The following TET3 variants were observed in gnomAD, a reference collection of about 807,000 sequenced individuals.
TET3 encodes tet methylcytosine dioxygenase 3.
A neutral mutation model predicts 141.4 loss-of-function variants in TET3; 19 were observed. The ratio of observed to expected loss-of-function variants is 0.13; its 90% confidence interval spans 0.09 to 0.20. The LOEUF (loss-of-function observed/expected upper bound fraction) is 0.20, where lower values mean the gene tolerates loss of function less well. TET3 is among the 10% of genes least tolerant of loss of function. The pLI is 1.00. For missense variants in TET3, 1,874 were observed against 2,356.9 expected, an observed-to-expected ratio of 0.80 and a Z score of 4.24; for synonymous variants, 1,043 against 980.9, an observed-to-expected ratio of 1.06 and a Z score of -1.18.
Position 74,047,229 on chromosome 2 carries a change from G to A in TET3, c.1312G>A (p.Gly438Ser), listed in dbSNP as rs755876838. 6.2e-7 allele frequency: 1 copy of A among 1,613,950 alleles called. No homozygotes were observed. ...TPRTEFPEAW[G>S]TDTPPATPRS... ...TAGAACTGAGTTCCCTGAAGCCTGG[G>A]GCACTGACACCCCTCCAGCAACGCC... Residue 438 changes from glycine to serine, a missense_variant, in exon 4 of 12, where the codon GGC becomes AGC. Physicochemically the swap from Gly to Ser is moderately conservative, Grantham distance 56. Around this residue, in one of 10 missense-constraint regions of TET3, gnomAD observed 484 missense variants for 462.2 expected, o/e 1.05. Coordinates refer to ENST00000409262, the MANE Select transcript of TET3 (RefSeq NM_001287491.2).
rs1232900754 is a variant in TET3 at position 74,048,423 on chromosome 2, TG to T, written c.2494+15del. On this transcript the variant is annotated intron_variant, in intron 4 of 11. Transcript: ENST00000409262. The stretch of plus-strand genomic sequence containing the variant: ...CTGCGATTGCGTCGGTAAGTCCGCC[TG>T]GGTATCAGGGAAGGGCAGAGAAAGG... 6.3e-7 allele frequency: 1 copy of T among 1,595,518 alleles called. No individual in the cohort carries two copies. The highest frequency in any genetic ancestry group is 1.7e-5 in the Admixed American group (1 of 57,840).
intron 8 of TET3, 123 bp downstream of exon 8, chr2:74,090,170 G>GT (rs1477239844): frequency 6.9e-7 from 1 of 1,447,600 alleles, no homozygotes; most frequent in Admixed American, 2.1e-5. Flanking sequence ...ACTTGTTTTC[G>GT]TTTTTTTAAA....
At chr2:74,003,424 GTTTTT>G in intron 3 of TET3, among the ~76,000 whole-genome samples, 1 of 130,164 alleles carries the variant, frequency 7.7e-6, no homozygotes, top group Middle Eastern at 3.9e-3. Flanking sequence ...TTGTTGAACT[GTTTTT>G]TTTTTTTTTT....
the TET3 span, among the ~76,000 whole-genome samples, chr2:74,133,391 G>A: frequency 2.6e-5 from 4 of 152,232 alleles, no homozygotes; most frequent in Non-Finnish European, 5.9e-5. Flanking sequence ...TTGGGGAGTG[G>A]CTCAGCTGAG....
Position 74,101,229 on chromosome 2 carries a change from G to T in TET3, c.4441G>T (p.Ala1481Ser), listed in dbSNP as rs749378388. The T allele has an allele frequency of 1.2e-6, 2 of 1,612,806 alleles. No individual in the cohort carries two copies. Among genetic ancestry groups the T allele is most frequent in the African/African-American group, 1.3e-5 (1 of 75,020 alleles). ...CAGTTCCTTTGGGGCCAGCTGCCTG[G>T]CCCCTTCCCACTTCACAGATGGCCA... The part of the protein sequence containing the change: ...KLSSFGASCL[A>S]PSHFTDGQWG... The change falls in exon 12 of 12, where the codon GCC becomes TCC. Residue 1481 changes from alanine (A) to serine (S), a missense_variant. This residue lies in a region of TET3 where 602 missense variants were observed against 590.2 expected (regional missense o/e 1.02). Transcript: ENST00000409262. The surrounding 1 kb of genome is among the most constrained non-coding windows in gnomAD (Gnocchi z 8.5).
In TET3 at chr2:74,102,354, C is replaced by T; in HGVS notation, c.*178C>T. On this transcript the variant is annotated 3_prime_UTR_variant, in exon 12 of 12. Coordinates refer to ENST00000409262, the MANE Select transcript of TET3 (RefSeq NM_001287491.2). ...GGTCCAAACCTCAGAACTGACCCGC[C>T]CCTCCCTTACCCCCACTTCCCCAGC... is the stretch of plus-strand genomic sequence containing the variant. 1 of 956,428 alleles carries T rather than the reference C, an allele frequency of 1.0e-6. No individual in the cohort carries two copies. Among genetic ancestry groups the T allele is most frequent in the Non-Finnish European group, 1.4e-6 (1 of 739,104 alleles). 59.2% of individuals were successfully genotyped at this position (956,428 alleles called of 1,614,324 possible). A position where few individuals can be genotyped will look rare whatever the true frequency, so the allele number is the denominator to read the frequency against.
chr2:74,055,880 A>G (rs1446421171), intron 4 of TET3, among the ~76,000 whole-genome samples: 1 of 152,102 alleles, frequency 6.6e-6, no homozygotes, highest in African/African-American at 2.4e-5. Context: ...TGTGTCCTAC[A>G]CCACCTGAGA....
intron 4 of TET3, among the ~76,000 whole-genome samples, chr2:74,066,755 A>T (rs1405085229): frequency 6.6e-6 from 1 of 152,148 alleles, no homozygotes; most frequent in East Asian, 1.9e-4. Flanking sequence ...AGATCTTCGT[A>T]TCTTGTTTTC....
intron 2 of TET3, among the ~76,000 whole-genome samples, chr2:73,996,579 G>T (rs1163928044): frequency 6.6e-6 from 1 of 152,116 alleles, no homozygotes; most frequent in African/African-American, 2.4e-5. Flanking sequence ...CATGATCTTG[G>T]CTCACTGCTA....
intron 3 of TET3, among the ~76,000 whole-genome samples, chr2:74,009,062 C>G (rs1685294136): frequency 6.6e-6 from 1 of 152,174 alleles, no homozygotes; most frequent in African/African-American, 2.4e-5. Context: ...CCTCCTTTGC[C>G]TCCTCTGCAG....
At chr2:74,008,186 T>C (rs1283414300) in intron 3 of TET3, among the ~76,000 whole-genome samples, 1 of 152,228 alleles carries the variant, frequency 6.6e-6, no homozygotes, top group African/African-American at 2.4e-5. Context: ...ACCCTCCATC[T>C]TGGGGACAAA....
Position 74,021,973 on chromosome 2 carries a change from G to T in TET3, c.360+18807G>T, listed in dbSNP as rs1270472353. 2.0e-5 allele frequency among the ~76,000 whole-genome samples: 3 copies of T among 151,300 alleles called. No homozygotes were observed. In the East Asian group the frequency reaches 5.8e-4, roughly 29 times the overall value. Reference sequence around the variant, plus strand: ...TTTTTTTGCCATTGTCTATTACAAAGAATAAAAATTCACTGTAGAAAAATC... The same window carrying T: ...TTTTTTTGCCATTGTCTATTACAAATAATAAAAATTCACTGTAGAAAAATC... On this transcript the variant is annotated intron_variant, in intron 3 of 11. Coordinates refer to ENST00000409262, the MANE Select transcript of TET3 (RefSeq NM_001287491.2).
In TET3 at chr2:74,046,705, C is replaced by T. The variant is rs989068772; in HGVS notation, c.788C>T (p.Ala263Val). Residue 263 changes from alanine (A) to valine (V), a missense_variant, in exon 4 of 12, where the codon GCG becomes GTG. Ala to Val is a moderately conservative substitution (Grantham distance 64). Coordinates refer to ENST00000409262, the MANE Select transcript of TET3 (RefSeq NM_001287491.2). The surrounding 1 kb of genome is among the most constrained non-coding windows in gnomAD (Gnocchi z 4.3). Reference protein sequence around the residue: ...LDTLQTALALARHGMKPPNCN... With the variant: ...LDTLQTALALVRHGMKPPNCN... Reference sequence around the variant, plus strand: ...ACACTGCAGACGGCCCTGGCCCTCGCGCGGCATGGTATGAAACCACCCAAC... The same window carrying T: ...ACACTGCAGACGGCCCTGGCCCTCGTGCGGCATGGTATGAAACCACCCAAC... 26 of 1,613,990 alleles carry T rather than the reference C, an allele frequency of 1.6e-5. No homozygotes were observed. The highest frequency in any genetic ancestry group is 2.2e-5 in the Non-Finnish European group (26 of 1,179,896).
At chr2:74,044,206 A>G (rs1209847394) in intron 3 of TET3, among the ~76,000 whole-genome samples, 2 of 152,122 alleles carry the variant, frequency 1.3e-5, no homozygotes, top group Non-Finnish European at 2.9e-5. Flanking sequence ...TGTCTGTAAA[A>G]TAAATAAATA....
chr2:74,076,441 G>GTTTTTTTTTTTTTTTTTTT (rs70965785), intron 5 of TET3, among the ~76,000 whole-genome samples: 2 of 56,554 alleles, frequency 3.5e-5, no homozygotes, highest in Non-Finnish European at 6.5e-5. Flanking sequence ...ATTCCTCTGG[G>GTTTTTTTTTTTTTTTTTTT]TTTTTTTTTT....
intron 2 of TET3, among the ~76,000 whole-genome samples, chr2:73,992,057 G>A (rs978191797): frequency 1.3e-5 from 2 of 152,160 alleles, no homozygotes; most frequent in African/African-American, 4.8e-5. Flanking sequence ...TGGCCAGAAT[G>A]TGCTAAGGCT....
At chr2:74,126,628 C>T in the TET3 span, among the ~76,000 whole-genome samples, 3 of 151,644 alleles carry the variant, frequency 2.0e-5, no homozygotes, top group Non-Finnish European at 2.9e-5. Context: ...CAGTGTCCCA[C>T]GTAGCTGGGA....
intron 3 of TET3, among the ~76,000 whole-genome samples, chr2:74,016,777 G>A (rs2105220527): frequency 6.8e-6 from 1 of 146,768 alleles, no homozygotes; most frequent in East Asian, 1.9e-4. Flanking sequence ...AAAATGTATA[G>A]GTTCTCCTGT....
intron 5 of TET3, among the ~76,000 whole-genome samples, chr2:74,079,400 G>A (rs1689685935): frequency 1.3e-5 from 2 of 152,144 alleles, no homozygotes; most frequent in Non-Finnish European, 2.9e-5. Flanking sequence ...TTTCTTTATG[G>A]CTAGAGCTAT....
Sources: gnomAD v4.1 joint callset for allele counts (sites outside exome capture counted in the v4.1 genomes callset) on GRCh38, gnomAD v4.1.1 for gene constraint, gnomAD v4.1.1 regional missense constraint, Gnocchi (gnomAD v3.1) non-coding constraint, MANE v1.5 for transcripts, NCBI Gene and HGNC (gene_info 2026-07-23, HGNC 2026-07-21) for gene names.